The following INTS14 variants were observed in gnomAD, a reference collection of about 807,000 sequenced individuals.
INTS14 encodes the protein UPF0464 protein C15orf44.
INTS14 carries 27 observed loss-of-function variants against 56.9 expected under a neutral mutation model. That is an observed-to-expected ratio of 0.47 (90% CI 0.35 to 0.65). INTS14 has a LOEUF of 0.65. Among genes scored for constraint, INTS14 ranks in the 30% least tolerant of loss-of-function variants. The pLI is 0.00. For synonymous variants in INTS14, 207 were observed against 236.2 expected, an observed-to-expected ratio of 0.88 and a Z score of 1.13; for missense variants, 517 against 632.2, an observed-to-expected ratio of 0.82 and a Z score of 1.95.
chr15:65,579,623 C>A lies in INTS14; in HGVS notation c.1342G>T (p.Gly448Cys), dbSNP rs2072511060. 1 of 1,614,176 alleles carries A rather than the reference C, an allele frequency of 6.2e-7. No individual in the cohort carries two copies. The highest frequency in any genetic ancestry group is 2.2e-5 in the East Asian group (1 of 44,884). ...ACCCCTTTCAGCAGGTCCAGGAAAC[C>A]AAAGGCTAGAGCGGCCTTTCGCAAA... ...NRLRKAALAF[G>C]FLDLLKGVAD... Residue 448 changes from glycine (G) to cysteine (C), a missense_variant, in exon 12 of 12, where the codon GGT (glycine) becomes TGT (cysteine). Coordinates refer to ENST00000313182, the MANE Select transcript of INTS14 (RefSeq NM_001394796.1).
intron 7 of INTS14, among the ~76,000 whole-genome samples, chr15:65,593,849 G>A (rs1596249641): frequency 6.6e-6 from 1 of 152,122 alleles, no homozygotes. Context: ...GGAAATGGGG[G>A]GAGGGGTCTG....
In INTS14 at chr15:65,579,382, A is replaced by C; in HGVS notation, c.*26T>G. The C allele has an allele frequency of 6.3e-7, 1 of 1,597,810 alleles. No individual in the cohort carries two copies. Among genetic ancestry groups the C allele is most frequent in the Non-Finnish European group, 8.6e-7 (1 of 1,167,920 alleles). ...AAAGCATTTTCAGTTGAAATGAAAA[A>C]AGAAGGAAAGCTCCAAAAGTCAGTT... On this transcript the variant is annotated 3_prime_UTR_variant, in exon 12 of 12. Transcript: ENST00000313182.
At chr15:65,597,217 C>T (rs1458269590) in intron 6 of INTS14, among the ~76,000 whole-genome samples, 1 of 152,182 alleles carries the variant, frequency 6.6e-6, no homozygotes, top group African/African-American at 2.4e-5. Flanking sequence ...AGTAAAAAGA[C>T]TGTTCACAGC....
rs1390805238 is a variant in INTS14, at chr15:65,579,410, A to C, written c.1555T>G (p.Ter519GlyextTer2). The C allele has an allele frequency of 6.2e-7, 1 of 1,605,620 alleles. No homozygotes were observed. The highest frequency in any genetic ancestry group is 8.5e-7 in the Non-Finnish European group (1 of 1,173,732). Reference protein sequence around the residue: ...DFSGSSTERI* With the variant: ...DFSGSSTERIG ...AAGGAAAGCTCCAAAAGTCAGTTTC[A>C]AATTCTTTCAGTGCTGCTCCCAGAG... Residue 519 changes from the stop codon to glycine (G), a stop_lost, in exon 12 of 12, where the codon TGA (stop) becomes GGA (glycine). Coordinates refer to ENST00000313182, the MANE Select transcript of INTS14 (RefSeq NM_001394796.1).
intron 3 of INTS14, among the ~76,000 whole-genome samples, chr15:65,604,655 C>T (rs1001448874): frequency 2.0e-5 from 3 of 146,812 alleles, no homozygotes; most frequent in Non-Finnish European, 3.0e-5. Context: ...ACCTGAGCCT[C>T]GGTGGTTGAA....
At position 65,598,475 on chromosome 15, in the gene INTS14, T is replaced by A. The variant is rs1251285614; in HGVS notation, c.606-12A>T. The A allele has an allele frequency of 3.1e-6, 5 of 1,611,552 alleles. No individual in the cohort carries two copies. On this transcript the variant is annotated splice_polypyrimidine_tract_variant and intron_variant, in intron 5 of 11. Transcript: ENST00000313182. ...AATCTATCAGTTTTCTAGAATATGA[T>A]AATTAATAGTTATAGGAAGAGTAAT... is the stretch of plus-strand genomic sequence containing the variant.
intron 10 of INTS14, among the ~76,000 whole-genome samples, chr15:65,584,256 T>TG (rs1000033434): frequency 6.6e-5 from 10 of 152,238 alleles, no homozygotes; most frequent in African/African-American, 2.2e-4. Flanking sequence ...TGTAATGCTA[T>TG]GGCTTGAGTT....
At chr15:65,586,235 T>C (rs756242447) in intron 9 of INTS14, among the ~76,000 whole-genome samples, 40 of 152,226 alleles carry the variant, frequency 2.6e-4, no homozygotes, top group Non-Finnish European at 4.3e-4. Context: ...CAAGATACTT[T>C]ACATATTCAA....
intron 9 of INTS14, among the ~76,000 whole-genome samples, chr15:65,586,028 T>C (rs1472719743): frequency 6.6e-6 from 1 of 152,202 alleles, no homozygotes; most frequent in Non-Finnish European, 1.5e-5. Flanking sequence ...ACTTTCCTGC[T>C]ATTTCTATTA....
chr15:65,590,199 CT>C (rs886956898), intron 9 of INTS14, among the ~76,000 whole-genome samples: 3 of 151,860 alleles, frequency 2.0e-5, no homozygotes, highest in African/African-American at 7.3e-5. Flanking sequence ...GCCACAGGTC[CT>C]TGCCTTTTCA....
intron 6 of INTS14, among the ~76,000 whole-genome samples, chr15:65,597,596 T>C (rs1257970943): frequency 2.0e-5 from 3 of 152,202 alleles, no homozygotes; most frequent in Non-Finnish European, 2.9e-5. Flanking sequence ...GCAGCAGTGC[T>C]AGAAGAGTAC....
chr15:65,584,931 C>T, intron 9 of INTS14, 43 bp from the exon 10 acceptor site: 1 of 1,500,586 alleles, frequency 6.7e-7, no homozygotes, highest in Non-Finnish European at 9.2e-7. Context: ...TGGTAAAACA[C>T]AATCAGTTAC....
chr15:65,595,225 A>G (rs1282088044), intron 7 of INTS14, among the ~76,000 whole-genome samples: 2 of 152,186 alleles, frequency 1.3e-5, no homozygotes, highest in African/African-American at 4.8e-5. Flanking sequence ...TGAGGAGATG[A>G]CTTTATAGTT....
At position 65,584,869 on chromosome 15, in the gene INTS14, A is replaced by G; in HGVS notation, c.1140T>C (p.Tyr380=). The change falls in exon 10 of 12, where the codon TAT becomes TAC. Residue 380 remains tyrosine (Y), a synonymous_variant. Transcript: ENST00000313182. ...GPISDAKENP[Y]GEDDNKSPFP... ...ATGGACTCTTATTGTCATCCTCGCC[A>G]TAAGGGTTTTCTTTAGCATCTTAAA... 4 of 1,612,124 alleles carry G rather than the reference A, an allele frequency of 2.5e-6. No individual in the cohort carries two copies. Among genetic ancestry groups the G allele is most frequent in the East Asian group, 2.2e-5 (1 of 44,782 alleles).
chr15:65,587,344 C>T (rs756368842), intron 9 of INTS14, among the ~76,000 whole-genome samples: 55 of 148,404 alleles, frequency 3.7e-4, no homozygotes, highest in Non-Finnish European at 6.2e-4. Context: ...TGGGAGATGA[C>T]GCTAAGAAAA....
At chr15:65,594,030 T>A (rs563373384) in intron 7 of INTS14, among the ~76,000 whole-genome samples, 2 of 152,246 alleles carry the variant, frequency 1.3e-5, no homozygotes, top group African/African-American at 2.4e-5. Context: ...CAAAAATCCA[T>A]TCTCCACAGT....
At chr15:65,585,288 T>C (rs2072777077) in intron 9 of INTS14, among the ~76,000 whole-genome samples, 1 of 152,204 alleles carries the variant, frequency 6.6e-6, no homozygotes, top group Admixed American at 6.5e-5. Context: ...GTTCTATATC[T>C]GTGCTGTCTA....
Position 65,611,131 on chromosome 15 carries a change from T to G in INTS14, c.-96A>C. 4 of 1,534,854 alleles carry G rather than the reference T, an allele frequency of 2.6e-6. No individual in the cohort carries two copies. The highest frequency in any genetic ancestry group is 3.5e-6 in the Non-Finnish European group (4 of 1,146,418). Reference sequence around the variant, plus strand: ...CATCGCCGGACACAGTCCGTCGGCATAAACTTTCCGTCGGCATAAACTTTC... The same window carrying G: ...CATCGCCGGACACAGTCCGTCGGCAGAAACTTTCCGTCGGCATAAACTTTC... On this transcript the variant is annotated 5_prime_UTR_variant, in exon 1 of 12. An upstream start codon of the reference 5' UTR is lost. Transcript: ENST00000313182.
Position 65,584,810 on chromosome 15 carries a change from G to A in INTS14, c.1199C>T (p.Ala400Val). The A allele has an allele frequency of 6.8e-6, 11 of 1,613,332 alleles. No homozygotes were observed. Among genetic ancestry groups the A allele is most frequent in the Non-Finnish European group, 8.5e-6 (10 of 1,179,670 alleles). The change falls in exon 10 of 12, where the codon GCC (alanine) becomes GTC (valine). Residue 400 changes from alanine to valine, a missense_variant. Physicochemically the swap from Ala to Val is moderately conservative, Grantham distance 64. Coordinates refer to ENST00000313182, the MANE Select transcript of INTS14 (RefSeq NM_001394796.1). Reference protein sequence around the residue: ...PLQPKNKRSYAQNVTVWIKPS... With the variant: ...PLQPKNKRSYVQNVTVWIKPS... ...TTTGATCCAGACAGTCACATTCTGG[G>A]CATAACTGCGTTTGTTTTTGGGCTG...
Sources: allele counts gnomAD v4.1 joint callset (sites outside exome capture counted in the v4.1 genomes callset), GRCh38; gene constraint gnomAD v4.1.1; transcripts MANE v1.5; gene names NCBI Gene and HGNC (gene_info 2026-07-23, HGNC 2026-07-21).